Variants in DHRS3 observed in about 807,000 individuals in gnomAD.
The protein encoded by DHRS3 is short-chain dehydrogenase/reductase 3.
In DHRS3, 14 loss-of-function variants were observed where a neutral mutation model predicts 27.2. That is an observed-to-expected ratio of 0.52 (90% CI 0.34 to 0.81). DHRS3 has a LOEUF of 0.81. Among genes scored for constraint, DHRS3 ranks in the 30% least tolerant of loss-of-function variants. DHRS3 has a pLI of 0.01. For missense variants in DHRS3, 322 were observed against 406.2 expected (o/e 0.79, Z 1.78); for synonymous variants, 165 against 175.9 (o/e 0.94, Z 0.49).
At chr1:12,571,573 C>T (rs1013945465) in intron 5 of DHRS3, among the ~76,000 whole-genome samples, 14 of 149,880 alleles carry the variant, frequency 9.3e-5, no homozygotes, top group African/African-American at 3.4e-4. Context: ...TCTTGTTGCC[C>T]AGGCTGGAGT....
chr1:12,608,267 G>A lies in DHRS3; in HGVS notation c.195+8887C>T, dbSNP rs139136188. On this transcript the variant is annotated intron_variant, in intron 1 of 5. Coordinates refer to ENST00000616661, the MANE Select transcript of DHRS3 (RefSeq NM_004753.7). The surrounding 1 kb of genome is among the most constrained non-coding windows in gnomAD (Gnocchi z 4.1). ...ACCACAGTCACGTATATTACCAATCGTGTATGGTACCACAGACATGTAGAG... is the reference window on the plus strand; with the variant it reads ...ACCACAGTCACGTATATTACCAATCATGTATGGTACCACAGACATGTAGAG... Among the ~76,000 whole-genome samples, 28 of 152,060 alleles carry A rather than the reference G, an allele frequency of 1.8e-4. No individual in the cohort carries two copies. The East Asian group carries it at 4.2e-3, about 23-fold the overall frequency.
At position 12,580,053 on chromosome 1, in the gene DHRS3, TCTG is replaced by T. The variant is rs370832995; in HGVS notation, c.339+467_339+469del. On this transcript the variant is annotated intron_variant, in intron 2 of 5. Coordinates refer to ENST00000616661, the MANE Select transcript of DHRS3 (RefSeq NM_004753.7). The stretch of plus-strand genomic sequence containing the variant: ...GGGGCTAATGCCGCACCAGGACTGT[TCTG>T]AGGAGGAGAAATAATTTATGGCACA... The T allele has an allele frequency of 7.5e-4, 199 of 266,792 alleles. 1 individual carries two copies. The East Asian group carries it at 0.013, about 17-fold the overall frequency. 16.5% of individuals were successfully genotyped at this position (266,792 alleles called of 1,614,324 possible).
intron 4 of DHRS3, among the ~76,000 whole-genome samples, chr1:12,575,642 C>T (rs572870738): frequency 3.9e-5 from 6 of 152,224 alleles, no homozygotes; most frequent in Non-Finnish European, 7.4e-5. Flanking sequence ...ACTTGCCAGG[C>T]GTGGCCAGAT....
chr1:12,599,113 A>G (rs1646818809), intron 1 of DHRS3, among the ~76,000 whole-genome samples: 1 of 152,264 alleles, frequency 6.6e-6, no homozygotes. Flanking sequence ...CAAGGTAGCT[A>G]TCCTACAGGC....
chr1:12,616,915 C>T, intron 1 of DHRS3: 1 of 869,676 alleles, frequency 1.1e-6, no homozygotes, highest in South Asian at 1.9e-5. Flanking sequence ...GGGTGAATAG[C>T]CAGTCAGCCA....
intron 1 of DHRS3, among the ~76,000 whole-genome samples, chr1:12,604,877 C>T (rs1646859613): frequency 6.6e-6 from 1 of 152,042 alleles, no homozygotes; most frequent in Admixed American, 6.6e-5. Flanking sequence ...GGTGAAACCC[C>T]ATCTATATTA....
chr1:12,573,147 C>T (rs1646554503), intron 4 of DHRS3, among the ~76,000 whole-genome samples: 1 of 152,096 alleles, frequency 6.6e-6, no homozygotes, highest in African/African-American at 2.4e-5. Context: ...CTTTCCATGG[C>T]CCTGCGTAAT....
rs892506103 is a variant in DHRS3 at position 12,568,198 on chromosome 1, G to C, written c.*142C>G. 4 of 789,926 alleles carry C rather than the reference G, an allele frequency of 5.1e-6. No individual in the cohort carries two copies. The African/African-American group carries it at 6.8e-5, about 13-fold the overall frequency. 48.9% of individuals were successfully genotyped at this position (789,926 alleles called of 1,614,324 possible). ...GTGCAAAGGTCCTGGGACTGGCCCA[G>C]GGGCAGCCGGATTCTTCGCTGGGGA... On this transcript the variant is annotated 3_prime_UTR_variant, in exon 6 of 6. Transcript: ENST00000616661.
intron 1 of DHRS3, among the ~76,000 whole-genome samples, chr1:12,612,789 T>C (rs1189934008): frequency 6.6e-6 from 1 of 152,144 alleles, no homozygotes; most frequent in Non-Finnish European, 1.5e-5. Context: ...GTGGGCACGG[T>C]GGCTCACACC....
intron 5 of DHRS3, chr1:12,569,945 T>C (rs943240375): frequency 2.0e-5 from 3 of 152,254 alleles, no homozygotes; most frequent in African/African-American, 4.8e-5. Context: ...CTTGTTCTTA[T>C]TCGGTCTATT....
intron 1 of DHRS3, chr1:12,616,505 G>T (rs1570407824): frequency 2.1e-6 from 2 of 958,272 alleles, no homozygotes; most frequent in Non-Finnish European, 2.5e-6. Flanking sequence ...TGTACTGGGG[G>T]GGAGGGGACA....
intron 4 of DHRS3, among the ~76,000 whole-genome samples, chr1:12,576,486 C>T (rs571847833): frequency 7.9e-5 from 12 of 151,566 alleles, no homozygotes; most frequent in Non-Finnish European, 5.9e-5. Context: ...GGCATGAACC[C>T]GGGAGACGGA....
chr1:12,569,229 TCTCA>T (rs1646513347), intron 5 of DHRS3, among the ~76,000 whole-genome samples: 4,081 of 140,282 alleles, frequency 0.029, 76 homozygotes, highest in South Asian at 0.056. Context: ...TCTCTCTCTC[TCTCA>T]CACACACACA....
intron 1 of DHRS3, among the ~76,000 whole-genome samples, chr1:12,615,131 CAAACA>C (rs1646935957): frequency 6.6e-6 from 1 of 151,160 alleles, no homozygotes; most frequent in African/African-American, 2.4e-5. Context: ...ACCATGACAG[CAAACA>C]GAAGCCTCAT....
intron 1 of DHRS3, among the ~76,000 whole-genome samples, chr1:12,600,707 C>T (rs956800989): frequency 6.6e-6 from 1 of 152,172 alleles, no homozygotes; most frequent in African/African-American, 2.4e-5. Flanking sequence ...TGTTCTGCTC[C>T]CCTGCCCGCA....
intron 1 of DHRS3, among the ~76,000 whole-genome samples, chr1:12,610,521 A>G (rs1646901910): frequency 6.6e-6 from 1 of 152,236 alleles, no homozygotes; most frequent in African/African-American, 2.4e-5. Flanking sequence ...GTAGGTGCTC[A>G]GTAAATGTGC....
At chr1:12,580,362 GT>G in intron 2 of DHRS3, 160 bp downstream of exon 2, 1 of 883,620 alleles carries the variant, frequency 1.1e-6, no homozygotes. Flanking sequence ...CCCTGCCTAT[GT>G]AACTGGGGCC....
chr1:12,607,646 A>T (rs919402130), intron 1 of DHRS3, among the ~76,000 whole-genome samples: 1 of 152,118 alleles, frequency 6.6e-6, no homozygotes, highest in Non-Finnish European at 1.5e-5. Context: ...TCTCTATAGC[A>T]ATGTGAGAAA....
rs1455109644 is a variant in DHRS3, at chr1:12,578,656, C to T, written c.698+62G>A. ...CAGAGCTCTTTCTGCAGTTGGCTGACTGAATGGCTTGGGGAGGCAGGTGAG... is the reference window on the plus strand; with the variant it reads ...CAGAGCTCTTTCTGCAGTTGGCTGATTGAATGGCTTGGGGAGGCAGGTGAG... On this transcript the variant is annotated intron_variant, in intron 4 of 5. Transcript: ENST00000616661. The surrounding 1 kb of genome is among the most constrained non-coding windows in gnomAD (Gnocchi z 4.5). The T allele has an allele frequency of 4.6e-6, 7 of 1,506,612 alleles. No individual in the cohort carries two copies. The highest frequency in any genetic ancestry group is 5.5e-6 in the Non-Finnish European group (6 of 1,086,096). 93.3% of individuals were successfully genotyped at this position (1,506,612 alleles called of 1,614,324 possible). A position where few individuals can be genotyped will look rare whatever the true frequency, so the allele number is the denominator to read the frequency against.
Sources: gnomAD v4.1 joint callset for allele counts (sites outside exome capture counted in the v4.1 genomes callset) on GRCh38, gnomAD v4.1.1 for gene constraint, Gnocchi (gnomAD v3.1) non-coding constraint, MANE v1.5 for transcripts, NCBI Gene and HGNC (gene_info 2026-07-23, HGNC 2026-07-21) for gene names.